KLHL1: variants seen among roughly 807,000 people sequenced by gnomAD.
The protein encoded by KLHL1 is kelch-like protein 1.
KLHL1 carries 47 observed loss-of-function variants against 77.7 expected under a neutral mutation model. That is an observed-to-expected ratio of 0.60 (90% CI 0.48 to 0.77). The LOEUF is 0.77. Ranked by LOEUF, KLHL1 falls within the 30% of genes least tolerant of loss-of-function variation. The pLI, the probability that KLHL1 is intolerant of heterozygous loss-of-function variation, is 0.00. For missense variants in KLHL1, 925 were observed against 910.8 expected (o/e 1.02, Z -0.20); for synonymous variants, 360 against 325.2 (o/e 1.11, Z -1.15).
intron 3 of KLHL1, among the ~76,000 whole-genome samples, chr13:69,940,618 T>C (rs867741991): frequency 1.3e-5 from 2 of 152,076 alleles, no homozygotes; most frequent in African/African-American, 4.8e-5. Flanking sequence ...TATATGAATA[T>C]AAAATATCTA....
intron 1 of KLHL1, among the ~76,000 whole-genome samples, chr13:70,041,109 T>C (rs997203751): frequency 6.6e-6 from 1 of 152,194 alleles, no homozygotes; most frequent in African/African-American, 2.4e-5. Context: ...TTGTCTCTTC[T>C]ATACCTTTGC....
intron 1 of KLHL1, among the ~76,000 whole-genome samples, chr13:70,028,278 C>T (rs996037797): frequency 1.3e-5 from 2 of 152,044 alleles, no homozygotes; most frequent in African/African-American, 4.8e-5. Flanking sequence ...TGGACAAAAT[C>T]ACTCAATAAA....
intron 6 of KLHL1, among the ~76,000 whole-genome samples, chr13:69,818,096 T>C (rs1007231870): frequency 6.6e-6 from 1 of 152,026 alleles, no homozygotes; most frequent in East Asian, 1.9e-4. Context: ...AAACTTCGCT[T>C]TTCATCTGAC....
intron 5 of KLHL1, among the ~76,000 whole-genome samples, chr13:69,850,518 C>T (rs1228390665): frequency 6.6e-6 from 1 of 151,534 alleles, no homozygotes; most frequent in Non-Finnish European, 1.5e-5. Context: ...CTGTTGATTA[C>T]TATGAAACTG....
chr13:70,100,891 T>C (rs1887908274), intron 1 of KLHL1, among the ~76,000 whole-genome samples: 1 of 152,172 alleles, frequency 6.6e-6, no homozygotes, highest in Non-Finnish European at 1.5e-5. Flanking sequence ...GGTCATGACA[T>C]TGAGACTCTG....
At chr13:69,714,839 A>C (rs7323344) in intron 9 of KLHL1, among the ~76,000 whole-genome samples, 64,555 of 151,658 alleles carry the variant, frequency 0.43, 13,973 homozygotes, top group African/African-American at 0.48. Context: ...AGCAATCCAC[A>C]GTTCTCAGCC....
intron 3 of KLHL1, among the ~76,000 whole-genome samples, chr13:69,955,979 TATTTATATATTTATTTGATATATATTTA>T (rs1473724570): frequency 7.2e-6 from 1 of 139,202 alleles, no homozygotes; most frequent in East Asian, 2.0e-4. Flanking sequence ...ATTTGATATA[TATTTATATATTTATTTGATATATATTTA>T]TATATATTTG....
At chr13:70,061,036 C>A in intron 1 of KLHL1, among the ~76,000 whole-genome samples, 1 of 151,960 alleles carries the variant, frequency 6.6e-6, no homozygotes. Flanking sequence ...AACAATTGAT[C>A]TCAGGGAGAT....
chr13:69,994,604 A>G (rs1885105215), intron 1 of KLHL1, among the ~76,000 whole-genome samples: 1 of 152,128 alleles, frequency 6.6e-6, no homozygotes, highest in Non-Finnish European at 1.5e-5. Flanking sequence ...ACTAATGTAT[A>G]TGGAAAAGTA....
chr13:69,842,894 A>G (rs1879322223), intron 5 of KLHL1, among the ~76,000 whole-genome samples: 1 of 151,776 alleles, frequency 6.6e-6, no homozygotes, highest in Non-Finnish European at 1.5e-5. Context: ...AGCAACATGT[A>G]TGGAACTGGA....
At chr13:69,943,593 A>G (rs1163670334) in intron 3 of KLHL1, among the ~76,000 whole-genome samples, 1 of 152,230 alleles carries the variant, frequency 6.6e-6, no homozygotes, top group African/African-American at 2.4e-5. Flanking sequence ...AAGCATGAGC[A>G]AAAAGTATTC....
chr13:69,843,282 G>GA (rs200272608), intron 5 of KLHL1, among the ~76,000 whole-genome samples: 1,598 of 151,226 alleles, frequency 0.011, 12 homozygotes, highest in Middle Eastern at 0.048. Context: ...CAAAAAAATA[G>GA]AAAAAAAATT....
intron 1 of KLHL1, among the ~76,000 whole-genome samples, chr13:70,042,902 T>C (rs1886410552): frequency 1.3e-5 from 2 of 152,108 alleles, no homozygotes; most frequent in African/African-American, 2.4e-5. Flanking sequence ...ATATTGATGA[T>C]CTTGCCCTTG....
chr13:69,811,348 C>A (rs1877871435), intron 6 of KLHL1, among the ~76,000 whole-genome samples: 1 of 151,696 alleles, frequency 6.6e-6, no homozygotes, highest in Non-Finnish European at 1.5e-5. Flanking sequence ...ATGTGATTCA[C>A]CACATAAACA....
At chr13:70,015,767 T>C (rs572526218) in intron 1 of KLHL1, among the ~76,000 whole-genome samples, 11 of 152,350 alleles carry the variant, frequency 7.2e-5, no homozygotes, top group Admixed American at 7.2e-4. Flanking sequence ...CAACTTATGA[T>C]ATTTCAAATT....
intron 6 of KLHL1, among the ~76,000 whole-genome samples, chr13:69,802,234 T>C (rs1462968929): frequency 6.6e-6 from 1 of 152,204 alleles, no homozygotes; most frequent in Non-Finnish European, 1.5e-5. Flanking sequence ...CCATGGTGTA[T>C]ATGTGCCCCA....
Position 70,107,902 on chromosome 13 carries a change from T to C in KLHL1, c.-203A>G, listed in dbSNP as rs929672585. On this transcript the variant is annotated 5_prime_UTR_variant, in exon 1 of 11. Coordinates refer to ENST00000377844, the MANE Select transcript of KLHL1 (RefSeq NM_020866.3). Reference sequence around the variant, plus strand: ...ACGGCAAAGCCGCGCGTTTCAGCCGTGGTCGGGTCCGCAGGACCTGGGCGT... The same window carrying C: ...ACGGCAAAGCCGCGCGTTTCAGCCGCGGTCGGGTCCGCAGGACCTGGGCGT... 11 of 523,520 alleles carry C rather than the reference T, an allele frequency of 2.1e-5. No individual in the cohort carries two copies. The highest frequency in any genetic ancestry group is 3.3e-5 in the Non-Finnish European group (10 of 300,834). 32.4% of individuals were successfully genotyped at this position (523,520 alleles called of 1,614,324 possible). A position where few individuals can be genotyped will look rare whatever the true frequency, so the allele number is the denominator to read the frequency against.
intron 4 of KLHL1, among the ~76,000 whole-genome samples, chr13:69,928,502 G>A (rs1005084071): frequency 3.9e-5 from 6 of 152,142 alleles, no homozygotes; most frequent in Non-Finnish European, 8.8e-5. Context: ...TTCATAAGGG[G>A]CCCAAAGTGT....
chr13:69,996,909 A>ATTTTTT (rs1566484216), intron 1 of KLHL1, among the ~76,000 whole-genome samples: 1 of 106,656 alleles, frequency 9.4e-6, no homozygotes, highest in Admixed American at 1.1e-4. Flanking sequence ...TTATTCATTA[A>ATTTTTT]ATTTTTTTTT....
Sources: gnomAD v4.1 joint callset for allele counts (sites outside exome capture counted in the v4.1 genomes callset) on GRCh38, gnomAD v4.1.1 for gene constraint, MANE v1.5 for transcripts, NCBI Gene and HGNC (gene_info 2026-07-23, HGNC 2026-07-21) for gene names.